Variants in ADCY2 observed in about 807,000 individuals in gnomAD.
The protein encoded by ADCY2 is adenylate cyclase 2.
Under a neutral mutation model 125.2 loss-of-function variants are expected in ADCY2, and 31 were observed. The observed-to-expected ratio is 0.25, with a 90% CI of 0.19 to 0.33. ADCY2 has a LOEUF of 0.33. Among genes scored for constraint, ADCY2 ranks in the 10% least tolerant of loss-of-function variants. The pLI is 1.00. For missense variants in ADCY2, 904 were observed against 1,418.2 expected (o/e 0.64, Z 5.82); for synonymous variants, 512 against 548.4 (o/e 0.93, Z 0.93).
intron 2 of ADCY2, among the ~76,000 whole-genome samples, chr5:7,467,735 T>C (rs1295910528): frequency 6.6e-6 from 1 of 152,262 alleles, no homozygotes; most frequent in African/African-American, 2.4e-5. Context: ...CCTCTCTCTC[T>C]ACAGTCTCTT....
chr5:7,680,800 C>CTA (rs1740303709), intron 4 of ADCY2, among the ~76,000 whole-genome samples: 1 of 152,122 alleles, frequency 6.6e-6, no homozygotes, highest in African/African-American at 2.4e-5. Context: ...GGTAGTGGGA[C>CTA]ACATGACAGC....
chr5:7,820,002 G>A (rs1745246163), intron 23 of ADCY2, among the ~76,000 whole-genome samples: 1 of 152,212 alleles, frequency 6.6e-6, no homozygotes, highest in Non-Finnish European at 1.5e-5. Flanking sequence ...GCAGGCCAGT[G>A]TCCAGCGGCT....
At chr5:7,589,756 TG>T (rs1736788046) in intron 3 of ADCY2, among the ~76,000 whole-genome samples, 1 of 152,100 alleles carries the variant, frequency 6.6e-6, no homozygotes, top group Admixed American at 6.6e-5. Flanking sequence ...GGCACAGAGA[TG>T]GGCTGTTGGG....
chr5:7,538,206 C>T (rs1734883390), intron 3 of ADCY2, among the ~76,000 whole-genome samples: 1 of 152,102 alleles, frequency 6.6e-6, no homozygotes, highest in South Asian at 2.1e-4. Flanking sequence ...ACATGTTTCC[C>T]TTTTTCAAAG....
chr5:7,550,113 A>T (rs1209125154), intron 3 of ADCY2, among the ~76,000 whole-genome samples: 1 of 151,970 alleles, frequency 6.6e-6, no homozygotes, highest in African/African-American at 2.4e-5. Context: ...ATCCTCACCC[A>T]CTATGGCCCT....
intron 2 of ADCY2, among the ~76,000 whole-genome samples, chr5:7,504,219 C>T (rs886782488): frequency 2.0e-5 from 3 of 152,110 alleles, no homozygotes; most frequent in Non-Finnish European, 4.4e-5. Flanking sequence ...AAATGAAGAA[C>T]CTGTTTGTGA....
At chr5:7,808,976 A>G (rs1744848098) in intron 22 of ADCY2, among the ~76,000 whole-genome samples, 1 of 152,210 alleles carries the variant, frequency 6.6e-6, no homozygotes. Context: ...ATTACTTACT[A>G]TTATAGCTAA....
chr5:7,472,416 G>T (rs1290626509), intron 2 of ADCY2, among the ~76,000 whole-genome samples: 1 of 151,686 alleles, frequency 6.6e-6, no homozygotes, highest in Non-Finnish European at 1.5e-5. Flanking sequence ...TATAGATTTT[G>T]CCTACCTTTT....
At chr5:7,637,431 CAAAAAAAA>C (rs71591740) in intron 4 of ADCY2, among the ~76,000 whole-genome samples, 1 of 74,622 alleles carries the variant, frequency 1.3e-5, no homozygotes, top group African/African-American at 4.3e-5. Context: ...GACTCCGTCT[CAAAAAAAA>C]AAAAAAAAAA....
chr5:7,408,513 A>G (rs1436536902), intron 1 of ADCY2, among the ~76,000 whole-genome samples: 1 of 151,684 alleles, frequency 6.6e-6, no homozygotes, highest in Non-Finnish European at 1.5e-5. Flanking sequence ...GATTACAGGC[A>G]TGTGCCACCA....
chr5:7,614,291 C>G (rs1219074482), intron 3 of ADCY2, among the ~76,000 whole-genome samples: 4 of 152,182 alleles, frequency 2.6e-5, no homozygotes, highest in Non-Finnish European at 5.9e-5. Context: ...GAACCTCCAT[C>G]TCTCTATCCC....
intron 4 of ADCY2, among the ~76,000 whole-genome samples, chr5:7,637,467 A>T (rs1738552613): frequency 6.6e-6 from 1 of 151,712 alleles, no homozygotes; most frequent in Non-Finnish European, 1.5e-5. Context: ...GAAGAAGAAG[A>T]AGAAAGGCAA....
rs1322256244 is a variant in ADCY2, at chr5:7,611,943, G to A, written c.571-14224G>A. ...ATTAATGTGGCAGAAATTTTTTCTTGTACTATCCAGTGCCTGATGACATGG... is the reference window on the plus strand; with the variant it reads ...ATTAATGTGGCAGAAATTTTTTCTTATACTATCCAGTGCCTGATGACATGG... On this transcript the variant is annotated intron_variant, in intron 3 of 24. Transcript: ENST00000338316. 3.9e-5 allele frequency among the ~76,000 whole-genome samples: 6 copies of A among 152,136 alleles called. 1 individual carries two copies. Among genetic ancestry groups the A allele is most frequent in the Admixed American group, 6.5e-5 (1 of 15,268 alleles).
intron 2 of ADCY2, among the ~76,000 whole-genome samples, chr5:7,469,974 A>T (rs1214948614): frequency 6.6e-6 from 1 of 151,766 alleles, no homozygotes; most frequent in Non-Finnish European, 1.5e-5. Flanking sequence ...CAAAATTTAC[A>T]TGAGGAAATT....
rs115017962 is a variant in ADCY2 at position 7,624,311 on chromosome 5, T to G, written c.571-1856T>G. 4.0e-3 allele frequency among the ~76,000 whole-genome samples: 610 copies of G among 152,338 alleles called. 1 individual carries two copies. The highest frequency in any genetic ancestry group is 0.014 in the African/African-American group (566 of 41,578). ...GGTAGATGGAGAACAAAATGTCACC[T>G]TATTACACTTACACCTATTTGGAGA... On this transcript the variant is annotated intron_variant, in intron 3 of 24. Coordinates refer to ENST00000338316, the MANE Select transcript of ADCY2 (RefSeq NM_020546.3).
chr5:7,658,931 T>C (rs1739435152), intron 4 of ADCY2, among the ~76,000 whole-genome samples: 1 of 152,210 alleles, frequency 6.6e-6, no homozygotes. Flanking sequence ...ATCACCAATT[T>C]AAATGCTCAT....
intron 4 of ADCY2, among the ~76,000 whole-genome samples, chr5:7,633,389 T>A (rs1454471102): frequency 1.4e-5 from 2 of 145,262 alleles, no homozygotes; most frequent in East Asian, 4.0e-4. Flanking sequence ...TGAGCCAAGA[T>A]CACAGCACTG....
At chr5:7,749,103 C>T (rs1742724273) in intron 15 of ADCY2, among the ~76,000 whole-genome samples, 1 of 152,206 alleles carries the variant, frequency 6.6e-6, no homozygotes, top group South Asian at 2.1e-4. Flanking sequence ...CTTGTGACTA[C>T]TCAGCACCCA....
At chr5:7,465,505 G>A (rs144010488) in intron 2 of ADCY2, among the ~76,000 whole-genome samples, 33 of 152,266 alleles carry the variant, frequency 2.2e-4, no homozygotes, top group East Asian at 5.8e-4. Flanking sequence ...GATTCACGGC[G>A]TGTGCACAGG....
Sources: allele counts gnomAD v4.1 joint callset (sites outside exome capture counted in the v4.1 genomes callset), GRCh38; gene constraint gnomAD v4.1.1; transcripts MANE v1.5; gene names NCBI Gene and HGNC (gene_info 2026-07-23, HGNC 2026-07-21).